Variants in EPHB1 observed in about 807,000 individuals in gnomAD.
EPHB1 encodes EPH receptor B1.
Under a neutral mutation model 94.4 loss-of-function variants are expected in EPHB1, and 30 were observed. The ratio of observed to expected loss-of-function variants is 0.32; its 90% confidence interval spans 0.24 to 0.43. The LOEUF is 0.43. Among genes scored for constraint, EPHB1 ranks in the 20% least tolerant of loss-of-function variants. The probability of loss-of-function intolerance (pLI) is 1.00; values close to 1 mark genes in which losing one functional copy is unlikely to be tolerated. For missense variants in EPHB1, 1,055 were observed against 1,308.3 expected (o/e 0.81, Z 2.99); for synonymous variants, 522 against 489.1 (o/e 1.07, Z -0.89).
chr3:135,075,823 A>G (rs1043330569), intron 3 of EPHB1, among the ~76,000 whole-genome samples: 2 of 152,178 alleles, frequency 1.3e-5, no homozygotes, highest in African/African-American at 4.8e-5. Context: ...GATGCTCTTT[A>G]CCTGCAAGGG....
At chr3:135,206,714 T>C (rs899763270) in intron 12 of EPHB1, among the ~76,000 whole-genome samples, 20 of 152,152 alleles carry the variant, frequency 1.3e-4, no homozygotes, top group Non-Finnish European at 2.2e-4. Context: ...CTAGGTTTGG[T>C]GACTCATGCC....
At chr3:134,997,000 C>T (rs559208940) in intron 3 of EPHB1, among the ~76,000 whole-genome samples, 1 of 152,202 alleles carries the variant, frequency 6.6e-6, no homozygotes, top group African/African-American at 2.4e-5. Context: ...GGAAGTTCCT[C>T]CTCACTCTAA....
intron 1 of EPHB1, among the ~76,000 whole-genome samples, chr3:134,846,028 G>A (rs1188566917): frequency 6.6e-6 from 1 of 152,150 alleles, no homozygotes; most frequent in Non-Finnish European, 1.5e-5. Flanking sequence ...CTTCTAAGGT[G>A]GTCACACCTT....
intron 1 of EPHB1, among the ~76,000 whole-genome samples, chr3:134,859,335 A>G (rs754960018): frequency 2.3e-4 from 35 of 152,278 alleles, no homozygotes; most frequent in Middle Eastern, 3.4e-3. Context: ...GATTAAGGGA[A>G]ACTCACCTTG....
chr3:134,895,548 G>A (rs879925184), intron 1 of EPHB1, among the ~76,000 whole-genome samples: 4 of 152,180 alleles, frequency 2.6e-5, no homozygotes, highest in African/African-American at 4.8e-5. Flanking sequence ...CTTGGATGAA[G>A]CTAAAAATTA....
At chr3:134,903,567 G>A (rs1037903332) in intron 1 of EPHB1, among the ~76,000 whole-genome samples, 2 of 152,154 alleles carry the variant, frequency 1.3e-5, no homozygotes, top group Admixed American at 6.5e-5. Flanking sequence ...CTTCTCAGAA[G>A]GTCCTTGGGG....
chr3:134,982,874 A>C (rs764068929), intron 3 of EPHB1, among the ~76,000 whole-genome samples: 36 of 152,166 alleles, frequency 2.4e-4, no homozygotes, highest in Non-Finnish European at 3.8e-4. Context: ...TGTGCAGTTA[A>C]ATAATGGTTT....
intron 9 of EPHB1, among the ~76,000 whole-genome samples, chr3:135,175,552 T>G (rs549949992): frequency 1.3e-5 from 2 of 152,324 alleles, no homozygotes; most frequent in Non-Finnish European, 2.9e-5. Context: ...AACATAAAAT[T>G]AAAGATTTTT....
At chr3:134,856,517 A>G (rs1232714419) in intron 1 of EPHB1, among the ~76,000 whole-genome samples, 2 of 152,224 alleles carry the variant, frequency 1.3e-5, no homozygotes, top group East Asian at 1.9e-4. Context: ...ACTTTACTGT[A>G]TATTTCTGCC....
intron 5 of EPHB1, among the ~76,000 whole-genome samples, chr3:135,147,417 C>T (rs1281458410): frequency 6.6e-6 from 1 of 152,234 alleles, no homozygotes; most frequent in East Asian, 1.9e-4. Context: ...CATTATTCTT[C>T]AACTTGTGTA....
chr3:135,197,231 T>C (rs376096526), intron 11 of EPHB1, among the ~76,000 whole-genome samples: 4 of 152,340 alleles, frequency 2.6e-5, no homozygotes, highest in African/African-American at 9.6e-5. Flanking sequence ...AAAGCTTGGC[T>C]TTGTGGTTGC....
chr3:135,013,346 C>T (rs1280303997), intron 3 of EPHB1, among the ~76,000 whole-genome samples: 2 of 152,216 alleles, frequency 1.3e-5, no homozygotes, highest in African/African-American at 4.8e-5. Context: ...CCACATCTCT[C>T]ATCAGGACAG....
chr3:134,843,426 A>G lies in EPHB1; in HGVS notation c.58+47737A>G, dbSNP rs536506901. 3.3e-5 allele frequency among the ~76,000 whole-genome samples: 5 copies of G among 152,242 alleles called. No individual in the cohort carries two copies. In the East Asian group the frequency reaches 9.6e-4, roughly 29 times the overall value. ...GGACTTGTGCAGATTGATGTTTCTC[A>G]TTAAATTTGAACTGTTTTAAACCAT... On this transcript the variant is annotated intron_variant, in intron 1 of 15. Transcript: ENST00000398015.
chr3:134,853,452 A>G (rs1304564337), intron 1 of EPHB1, among the ~76,000 whole-genome samples: 1 of 152,264 alleles, frequency 6.6e-6, no homozygotes, highest in Non-Finnish European at 1.5e-5. Context: ...GGTTGGCTGC[A>G]GGAAGAAGGA....
intron 3 of EPHB1, among the ~76,000 whole-genome samples, chr3:134,959,521 A>T (rs749420022): frequency 2.6e-5 from 4 of 152,104 alleles, no homozygotes; most frequent in African/African-American, 4.8e-5. Context: ...TTGTGTTTTT[A>T]TACCTTATTT....
chr3:135,233,312 G>A (rs899111665), intron 12 of EPHB1, among the ~76,000 whole-genome samples: 11 of 152,236 alleles, frequency 7.2e-5, no homozygotes, highest in Non-Finnish European at 1.0e-4. Context: ...GCCAAACAAA[G>A]GGGCTACAGG....
chr3:135,225,767 G>A (rs1943381215), intron 12 of EPHB1, among the ~76,000 whole-genome samples: 1 of 151,746 alleles, frequency 6.6e-6, no homozygotes, highest in Non-Finnish European at 1.5e-5. Context: ...AGGGGAAACT[G>A]AGGTGACTCT....
chr3:134,964,359 A>G (rs530854515), intron 3 of EPHB1, among the ~76,000 whole-genome samples: 1 of 152,338 alleles, frequency 6.6e-6, no homozygotes, highest in South Asian at 2.1e-4. Context: ...AACATACAGA[A>G]CAAAAACAAC....
At chr3:135,178,458 C>CAA (rs57207495) in intron 9 of EPHB1, among the ~76,000 whole-genome samples, 17 of 98,792 alleles carry the variant, frequency 1.7e-4, no homozygotes, top group South Asian at 3.5e-4. Flanking sequence ...AAGACTGTCT[C>CAA]AAAAAAAAAA....
Sources: allele counts gnomAD v4.1 joint callset (sites outside exome capture counted in the v4.1 genomes callset), GRCh38; gene constraint gnomAD v4.1.1; transcripts MANE v1.5; gene names NCBI Gene and HGNC (gene_info 2026-07-23, HGNC 2026-07-21).